Variants in ZNF618 observed in about 807,000 individuals in gnomAD.
ZNF618 encodes zinc finger protein 618.
ZNF618 carries 34 observed loss-of-function variants against 103.0 expected under a neutral mutation model. The observed-to-expected ratio is 0.33, with a 90% CI of 0.25 to 0.44. The LOEUF is 0.44. Ranked by LOEUF, ZNF618 falls within the 20% of genes least tolerant of loss-of-function variation. The pLI is 1.00. For synonymous variants in ZNF618, 551 were observed against 542.2 expected (o/e 1.02, Z -0.23); for missense variants, 1,059 against 1,295.4 (o/e 0.82, Z 2.80).
At chr9:113,944,722 G>A (rs1473008064) in intron 1 of ZNF618, among the ~76,000 whole-genome samples, 4 of 152,114 alleles carry the variant, frequency 2.6e-5, no homozygotes. Flanking sequence ...ATATTTTATT[G>A]AGCCCATTGT....
Position 114,028,989 on chromosome 9 carries a change from T to G in ZNF618, c.1084+17T>G, listed in dbSNP as rs779350902. The G allele has an allele frequency of 5.1e-5, 79 of 1,545,774 alleles. No homozygotes were observed. The South Asian group carries it at 6.6e-4, about 13-fold the overall frequency. Reference sequence around the variant, plus strand: ...CAACCGCAGGTACCAATGGCCTATGTGACCCCCACACTTTCTCCCCCACTG... The same window carrying G: ...CAACCGCAGGTACCAATGGCCTATGGGACCCCCACACTTTCTCCCCCACTG... On this transcript the variant is annotated intron_variant, in intron 11 of 14. Transcript: ENST00000374126.
chr9:114,053,466 T>G lies in ZNF618; in HGVS notation c.*3299T>G, dbSNP rs188213864. ...CCTGCTGATGTGGAGACTACTCACC[T>G]TGAGCCATGTGGTCCCCAGGACAGA... is the stretch of plus-strand genomic sequence containing the variant. On this transcript the variant is annotated 3_prime_UTR_variant, in exon 15 of 15. Coordinates refer to ENST00000374126, the MANE Select transcript of ZNF618 (RefSeq NM_001318042.2). 1 of 152,410 alleles carries G rather than the reference T, an allele frequency of 6.6e-6. No homozygotes were observed. The highest frequency in any genetic ancestry group is 6.5e-5 in the Admixed American group (1 of 15,308). 9.4% of individuals were successfully genotyped at this position (152,410 alleles called of 1,614,324 possible).
intron 1 of ZNF618, among the ~76,000 whole-genome samples, chr9:113,893,446 A>T (rs937169887): frequency 6.6e-6 from 1 of 152,212 alleles, no homozygotes; most frequent in African/African-American, 2.4e-5. Context: ...GAAAATAAAA[A>T]GATCATCCTA....
At chr9:113,915,045 G>A (rs557824686) in intron 1 of ZNF618, among the ~76,000 whole-genome samples, 1 of 152,304 alleles carries the variant, frequency 6.6e-6, no homozygotes, top group Admixed American at 6.5e-5. Context: ...TTTAACTATA[G>A]AGGGAAAATC....
At chr9:113,953,676 T>C (rs1231193481) in intron 1 of ZNF618, among the ~76,000 whole-genome samples, 4 of 152,078 alleles carry the variant, frequency 2.6e-5, no homozygotes, top group Non-Finnish European at 4.4e-5. Flanking sequence ...TAAACAAATG[T>C]ATGTGGGGGA....
At position 114,051,099 on chromosome 9, in the gene ZNF618, A is replaced by G. The variant is rs957990397; in HGVS notation, c.*932A>G. The G allele has an allele frequency of 6.6e-6, 1 of 152,432 alleles. No individual in the cohort carries two copies. The highest frequency in any genetic ancestry group is 1.5e-5 in the Non-Finnish European group (1 of 67,978). 9.4% of individuals were successfully genotyped at this position (152,432 alleles called of 1,614,324 possible). A position where few individuals can be genotyped will look rare whatever the true frequency, so the allele number is the denominator to read the frequency against. ...CAATTTTTACCTTGTTTGGGGGTTCATTTTGTTTCTTCAGATTTGATTTAG... is the reference window on the plus strand; with the variant it reads ...CAATTTTTACCTTGTTTGGGGGTTCGTTTTGTTTCTTCAGATTTGATTTAG... On this transcript the variant is annotated 3_prime_UTR_variant, in exon 15 of 15. Coordinates refer to ENST00000374126, the MANE Select transcript of ZNF618 (RefSeq NM_001318042.2).
intron 2 of ZNF618, among the ~76,000 whole-genome samples, chr9:113,983,135 A>G (rs182898043): frequency 2.0e-4 from 31 of 152,310 alleles, no homozygotes; most frequent in African/African-American, 7.0e-4. Context: ...CTTTTTCACT[A>G]ATATACCTAA....
At chr9:113,930,453 A>AT (rs369079365) in intron 1 of ZNF618, among the ~76,000 whole-genome samples, 4 of 151,436 alleles carry the variant, frequency 2.6e-5, no homozygotes, top group African/African-American at 7.3e-5. Flanking sequence ...GGGGGCGCCT[A>AT]TTTTTTTTTA....
chr9:114,028,854 A>G lies in ZNF618; in HGVS notation c.966A>G (p.Lys322=), dbSNP rs1435890775. 11 of 1,550,502 alleles carry G rather than the reference A, an allele frequency of 7.1e-6. No homozygotes were observed. Among genetic ancestry groups the G allele is most frequent in the Non-Finnish European group, 9.6e-6 (11 of 1,146,970 alleles). The change falls in exon 11 of 15, where the codon AAA becomes AAG. Residue 322 remains lysine, a synonymous_variant. Transcript: ENST00000374126. ...AAKTQTNQSG[K]KAPASVVRCA... ...AGACCCAGACGAACCAGTCGGGGAAAAAAGCTCCGGCCTCCGTGGTCCGAT... is the reference window on the plus strand; with the variant it reads ...AGACCCAGACGAACCAGTCGGGGAAGAAAGCTCCGGCCTCCGTGGTCCGAT...
At chr9:113,970,806 T>A (rs191486963) in intron 2 of ZNF618, among the ~76,000 whole-genome samples, 1 of 151,302 alleles carries the variant, frequency 6.6e-6, no homozygotes, top group Non-Finnish European at 1.5e-5. Context: ...TCATTTTCAT[T>A]ATTCGTTATT....
intron 1 of ZNF618, among the ~76,000 whole-genome samples, chr9:113,903,721 G>GTTTC (rs1211183538): frequency 6.6e-6 from 1 of 152,064 alleles, no homozygotes; most frequent in South Asian, 2.1e-4. Flanking sequence ...TTTTTTGTTT[G>GTTTC]TTTCTTTCTT....
Position 114,050,012 on chromosome 9 carries a change from G to A in ZNF618, c.2710G>A (p.Ala904Thr). ...SCVTQKHTKLAKLAFWLLAVP... is the reference protein window; with the variant it reads ...SCVTQKHTKLTKLAFWLLAVP... Reference sequence around the variant, plus strand: ...CGTTACCCAAAAGCACACAAAACTCGCCAAGCTCGCCTTCTGGCTCCTGGC... The same window carrying A: ...CGTTACCCAAAAGCACACAAAACTCACCAAGCTCGCCTTCTGGCTCCTGGC... Residue 904 changes from alanine (A) to threonine (T), a missense_variant, in exon 15 of 15, where the codon GCC (alanine) becomes ACC (threonine). This residue lies in a region of ZNF618 where 156 missense variants were observed against 197.1 expected (regional missense o/e 0.79). Transcript: ENST00000374126. The A allele has an allele frequency of 2.5e-6, 4 of 1,613,868 alleles. No individual in the cohort carries two copies. The highest frequency in any genetic ancestry group is 3.4e-6 in the Non-Finnish European group (4 of 1,179,872).
At chr9:113,946,082 A>G (rs1341313794) in intron 1 of ZNF618, among the ~76,000 whole-genome samples, 1 of 152,170 alleles carries the variant, frequency 6.6e-6, no homozygotes, top group African/African-American at 2.4e-5. Context: ...CTTCTAGAAT[A>G]ATGCAAGGCC....
chr9:113,981,610 A>G (rs1476451056), intron 2 of ZNF618, among the ~76,000 whole-genome samples: 1 of 152,088 alleles, frequency 6.6e-6, no homozygotes, highest in Middle Eastern at 3.2e-3. Flanking sequence ...AAGCCGCCAT[A>G]CTCCCAGGCA....
chr9:113,967,195 T>G (rs1837492940), intron 1 of ZNF618, among the ~76,000 whole-genome samples: 1 of 152,242 alleles, frequency 6.6e-6, no homozygotes, highest in Non-Finnish European at 1.5e-5. Context: ...TTAAGATCTC[T>G]GGGGCAGAAT....
rs1827917728 is a variant in ZNF618, at chr9:113,876,324, G to C, written c.-57G>C. ...CGGCGGCGGCATTGTGCGCGCACCA[G>C]CAGCCCGGCCCGGGAGGAGCAGGAC... On this transcript the variant is annotated 5_prime_UTR_variant, in exon 1 of 15. Transcript: ENST00000374126. 2.7e-5 allele frequency: 30 copies of C among 1,128,236 alleles called. No individual in the cohort carries two copies. The highest frequency in any genetic ancestry group is 3.2e-5 in the Non-Finnish European group (30 of 926,370). 69.9% of individuals were successfully genotyped at this position (1,128,236 alleles called of 1,614,324 possible).
chr9:113,916,828 A>G (rs1832138546), intron 1 of ZNF618, among the ~76,000 whole-genome samples: 1 of 152,222 alleles, frequency 6.6e-6, no homozygotes. Context: ...CTGGAGGACA[A>G]ACTGGTTATT....
In ZNF618 at chr9:114,047,017, T is replaced by C. The variant is rs137903590; in HGVS notation, c.1247-876T>C. Among the ~76,000 whole-genome samples, 689 of 151,830 alleles carry C rather than the reference T, an allele frequency of 4.5e-3. 8 individuals are homozygous for C. Among genetic ancestry groups the C allele is most frequent in the African/African-American group, 0.016 (664 of 41,374 alleles). ...GAGCCAGAAACCTAGGACTTGGGAGTGTGGTTAAGCAAGCTGTGATATATC... is the reference window on the plus strand; with the variant it reads ...GAGCCAGAAACCTAGGACTTGGGAGCGTGGTTAAGCAAGCTGTGATATATC... On this transcript the variant is annotated intron_variant, in intron 13 of 14. Coordinates refer to ENST00000374126, the MANE Select transcript of ZNF618 (RefSeq NM_001318042.2).
rs756019150 is a variant in ZNF618 at position 114,016,775 on chromosome 9, G to A, written c.835G>A (p.Ala279Thr). 6 of 1,612,642 alleles carry A rather than the reference G, an allele frequency of 3.7e-6. No homozygotes were observed. Among genetic ancestry groups the A allele is most frequent in the Non-Finnish European group, 4.2e-6 (5 of 1,179,250 alleles). Residue 279 changes from alanine (A) to threonine (T), a missense_variant, in exon 10 of 15, where the codon GCC becomes ACC. Physicochemically the swap from Ala to Thr is moderately conservative, Grantham distance 58. Coordinates refer to ENST00000374126, the MANE Select transcript of ZNF618 (RefSeq NM_001318042.2). ...TPYQEHVALH[A>T]PISTAPGWEP... ...CTACCAGGAGCATGTGGCCTTACAC[G>A]CCCCCATCAGTGAGTACCTCCTCCC...
Sources: gnomAD v4.1 joint callset for allele counts (sites outside exome capture counted in the v4.1 genomes callset) on GRCh38, gnomAD v4.1.1 for gene constraint, gnomAD v4.1.1 regional missense constraint, MANE v1.5 for transcripts, NCBI Gene and HGNC (gene_info 2026-07-23, HGNC 2026-07-21) for gene names.